Variants in TVP23A observed in about 807,000 individuals in gnomAD.
The protein encoded by TVP23A is trans-golgi network vesicle protein 23 homolog A, also known as Golgi apparatus membrane protein TVP23 homolog A.
A neutral mutation model predicts 31.7 loss-of-function variants in TVP23A; 21 were observed. The observed-to-expected ratio is 0.66, with a 90% CI of 0.47 to 0.95. The LOEUF is 0.95. TVP23A is among the 40% of genes least tolerant of loss of function. The pLI, the probability that TVP23A is intolerant of heterozygous loss-of-function variation, is 0.00. For synonymous variants in TVP23A, 104 were observed against 96.0 expected, an observed-to-expected ratio of 1.08 and a Z score of -0.49; for missense variants, 279 against 255.6, an observed-to-expected ratio of 1.09 and a Z score of -0.62.
intron 2 of TVP23A, among the ~76,000 whole-genome samples, chr16:10,810,013 G>C (rs1470557652): frequency 6.6e-6 from 1 of 152,172 alleles, no homozygotes; most frequent in East Asian, 1.9e-4. Flanking sequence ...TGGATAAACA[G>C]AATGTGGTAT....
At position 10,818,445 on chromosome 16, in the gene TVP23A, T is replaced by C; in HGVS notation, c.9+40A>G. On this transcript the variant is annotated intron_variant, in intron 1 of 7. Coordinates refer to ENST00000299866, the MANE Select transcript of TVP23A (RefSeq NM_001079512.4). This position sits in a 1 kb window ranked among gnomAD's most constrained non-coding sequence, Gnocchi z 4.7. ...CCAGCGCTCCCGCAGGCTCCCCTCG[T>C]CCCGCCCCGCCTCCAGCCCCAGCAT... The C allele has an allele frequency of 6.3e-7, 1 of 1,595,168 alleles. No homozygotes were observed. Among genetic ancestry groups the C allele is most frequent in the Admixed American group, 1.7e-5 (1 of 58,738 alleles).
At chr16:10,764,263 T>C (rs1202343087), downstream of TVP23A, among the ~76,000 whole-genome samples, 1 of 152,242 alleles carries the variant, frequency 6.6e-6, no homozygotes, top group African/African-American at 2.4e-5. Flanking sequence ...AGCACCTCAG[T>C]GTACTTTGCT....
At position 10,773,443 on chromosome 16, in the gene TVP23A, T is replaced by C; in HGVS notation, c.325-2A>G. On this transcript the variant is annotated splice_acceptor_variant, in intron 4 of 7. Coordinates refer to ENST00000299866, the MANE Select transcript of TVP23A (RefSeq NM_001079512.4). LOFTEE classifies it high-confidence loss of function. Reference sequence around the variant, plus strand: ...GGCAGCAATGCTATTCGGAGAGACCTGTTAAAGGAAAGTAATTCAAATGTC... The same window carrying C: ...GGCAGCAATGCTATTCGGAGAGACCCGTTAAAGGAAAGTAATTCAAATGTC... 1 of 1,579,836 alleles carries C rather than the reference T, an allele frequency of 6.3e-7. No individual in the cohort carries two copies. Among genetic ancestry groups the C allele is most frequent in the Non-Finnish European group, 8.6e-7 (1 of 1,169,486 alleles).
intron 2 of TVP23A, among the ~76,000 whole-genome samples, chr16:10,785,142 C>T (rs932541906): frequency 2.7e-5 from 4 of 147,148 alleles, no homozygotes; most frequent in Non-Finnish European, 5.9e-5. Context: ...TGGTGGCTCA[C>T]GCCTATAATC....
rs139628163 is a variant in TVP23A, at chr16:10,801,301, A to G, written c.89+16802T>C. ...CTGCAGTATCTCTGCCAAGAAGCAT[A>G]ACCTGGATATAATCAGGAGAAGCAT... On this transcript the variant is annotated intron_variant, in intron 2 of 7. Transcript: ENST00000299866. Among the ~76,000 whole-genome samples the G allele has an allele frequency of 3.6e-3, 547 of 152,328 alleles. 5 individuals carry two copies. Among genetic ancestry groups the G allele is most frequent in the Non-Finnish European group, 4.1e-3 (281 of 68,024 alleles).
intron 2 of TVP23A, among the ~76,000 whole-genome samples, chr16:10,778,334 G>A (rs113608846): frequency 2.8e-3 from 2 of 710 alleles, no homozygotes; most frequent in Non-Finnish European, 0.021. Context: ...TCGCTGTCTC[G>A]AAGAATTAGA....
At chr16:10,773,897 C>T in intron 4 of TVP23A, 142 bp downstream of exon 4, 1 of 675,924 alleles carries the variant, frequency 1.5e-6, no homozygotes, top group Non-Finnish European at 2.5e-6. Context: ...TTGCCACACC[C>T]ATGTTTCACC....
At chr16:10,817,998 A>T (rs1211150471) in intron 2 of TVP23A, 105 bp downstream of exon 2, 1 of 987,562 alleles carries the variant, frequency 1.0e-6, no homozygotes, top group African/African-American at 1.6e-5. Context: ...CCAGCCCCAG[A>T]CCTGGCACAC....
chr16:10,803,509 T>G lies in TVP23A; in HGVS notation c.89+14594A>C, dbSNP rs2033807734. Among the ~76,000 whole-genome samples the G allele has an allele frequency of 5.3e-5, 8 of 152,088 alleles. No homozygotes were observed. The South Asian group carries it at 1.7e-3, about 32-fold the overall frequency. On this transcript the variant is annotated intron_variant, in intron 2 of 7. Coordinates refer to ENST00000299866, the MANE Select transcript of TVP23A (RefSeq NM_001079512.4). Reference sequence around the variant, plus strand: ...GAGCTCAGGAGTGGTTTCGACCCAGTGTGCACAGTGTCATTAATGGGTAAA... The same window carrying G: ...GAGCTCAGGAGTGGTTTCGACCCAGGGTGCACAGTGTCATTAATGGGTAAA...
At chr16:10,802,381 G>C (rs547193195) in intron 2 of TVP23A, among the ~76,000 whole-genome samples, 6 of 151,900 alleles carry the variant, frequency 3.9e-5, no homozygotes, top group African/African-American at 1.4e-4. Flanking sequence ...CTGGGTTCAA[G>C]TGATCCTCCT....
At chr16:10,759,322 T>C (rs16957624), downstream of TVP23A, among the ~76,000 whole-genome samples, 4,723 of 152,268 alleles carry the variant, frequency 0.031, 258 homozygotes, top group African/African-American at 0.11. The surrounding 1 kb of genome is among the most constrained non-coding windows in gnomAD (Gnocchi z 4.7). Flanking sequence ...GCAAGATTCA[T>C]GTCCACCCTG....
intron 2 of TVP23A, among the ~76,000 whole-genome samples, chr16:10,775,744 C>CTTT (rs1004091841): frequency 4.5e-4 from 43 of 94,506 alleles, no homozygotes; most frequent in African/African-American, 7.1e-4. Flanking sequence ...AATTGCTTTT[C>CTTT]TTTTTTTTTT....
intron 2 of TVP23A, among the ~76,000 whole-genome samples, chr16:10,783,122 T>G (rs919899696): frequency 1.3e-5 from 2 of 152,168 alleles, no homozygotes; most frequent in African/African-American, 4.8e-5. Context: ...GACTTCTGGA[T>G]GCTGGGATGT....
rs117915374 is a variant in TVP23A, at chr16:10,769,821, C to T, written c.*451G>A. Among the ~76,000 whole-genome samples, 677 of 152,266 alleles carry T rather than the reference C, an allele frequency of 4.4e-3. 1 individual carries two copies. The highest frequency in any genetic ancestry group is 5.9e-3 in the Non-Finnish European group (398 of 68,016). The stretch of plus-strand genomic sequence containing the variant: ...AAAAGAGGGACAGATGTAAACTCTA[C>T]GATCATCCTCTTTGCCATGAGGTGC... On this transcript the variant is annotated intron_variant, in intron 7 of 7. Coordinates refer to ENST00000299866, the MANE Select transcript of TVP23A (RefSeq NM_001079512.4).
rs764083699 is a variant in TVP23A, at chr16:10,767,984, G to A, written c.*1118C>T. On this transcript the variant is annotated 3_prime_UTR_variant, in exon 8 of 8. Coordinates refer to ENST00000299866, the MANE Select transcript of TVP23A (RefSeq NM_001079512.4). This position sits in a 1 kb window ranked among gnomAD's most constrained non-coding sequence, Gnocchi z 4.6. The stretch of plus-strand genomic sequence containing the variant: ...TGACAAAGGCCAGTCTTTTTTCATT[G>A]ACGCCCCAGATTCCCCAGCCACGTT... The A allele has an allele frequency of 4.3e-6, 7 of 1,613,900 alleles. No homozygotes were observed. Among genetic ancestry groups the A allele is most frequent in the Non-Finnish European group, 5.1e-6 (6 of 1,179,976 alleles).
chr16:10,785,204 C>T (rs376991197), intron 2 of TVP23A, among the ~76,000 whole-genome samples: 1 of 151,452 alleles, frequency 6.6e-6, no homozygotes, highest in East Asian at 1.9e-4. Flanking sequence ...CAGGAGCTCA[C>T]GACCAGCCTG....
chr16:10,808,011 C>A (rs952040322), intron 2 of TVP23A, among the ~76,000 whole-genome samples: 2 of 152,294 alleles, frequency 1.3e-5, no homozygotes, highest in Admixed American at 1.3e-4. Context: ...CCGTGTCAGG[C>A]TCAAATCCCT....
intron 2 of TVP23A, among the ~76,000 whole-genome samples, chr16:10,803,878 T>C (rs1256294622): frequency 1.3e-5 from 2 of 152,196 alleles, no homozygotes; most frequent in Non-Finnish European, 2.9e-5. Flanking sequence ...TGAAAATGTT[T>C]GGAAATTAGA....
chr16:10,816,011 C>T (rs190744587), intron 2 of TVP23A, among the ~76,000 whole-genome samples: 64 of 152,154 alleles, frequency 4.2e-4, no homozygotes, highest in Middle Eastern at 6.8e-3. Flanking sequence ...TACTTGAGGC[C>T]GGAAGTTCCA....
Sources: allele counts gnomAD v4.1 joint callset (sites outside exome capture counted in the v4.1 genomes callset), GRCh38; gene constraint gnomAD v4.1.1; non-coding constraint Gnocchi (gnomAD v3.1); transcripts MANE v1.5; gene names NCBI Gene and HGNC (gene_info 2026-07-23, HGNC 2026-07-21).